The following PPP3CA variants were observed in gnomAD, a reference collection of about 807,000 sequenced individuals.
PPP3CA encodes the protein protein phosphatase 3 catalytic subunit alpha, also known as CAM-PRP catalytic subunit.
In PPP3CA, 14 loss-of-function variants were observed where a neutral mutation model predicts 66.5. The observed-to-expected ratio is 0.21, with a 90% CI of 0.14 to 0.33. The LOEUF (loss-of-function observed/expected upper bound fraction) is 0.33, where lower values mean the gene tolerates loss of function less well. Among genes scored for constraint, PPP3CA ranks in the 10% least tolerant of loss-of-function variants. The pLI is 1.00. For missense variants in PPP3CA, 317 were observed against 639.5 expected, an observed-to-expected ratio of 0.50 and a Z score of 5.44; for synonymous variants, 232 against 226.2, an observed-to-expected ratio of 1.03 and a Z score of -0.23.
intron 1 of PPP3CA, among the ~76,000 whole-genome samples, chr4:101,327,719 A>G (rs1729250511): frequency 6.6e-6 from 1 of 152,180 alleles, no homozygotes; most frequent in South Asian, 2.1e-4. Context: ...CAATTTCCTT[A>G]TAAAGTAGAG....
intron 2 of PPP3CA, among the ~76,000 whole-genome samples, chr4:101,112,431 A>G (rs1222415003): frequency 6.6e-6 from 1 of 152,140 alleles, no homozygotes; most frequent in Non-Finnish European, 1.5e-5. Flanking sequence ...TGCATGGAAA[A>G]CAAAATACCC....
chr4:101,201,140 C>T (rs1724954577), intron 1 of PPP3CA, among the ~76,000 whole-genome samples: 1 of 152,122 alleles, frequency 6.6e-6, no homozygotes, highest in Non-Finnish European at 1.5e-5. Context: ...TTAATTCCAA[C>T]TATTTCTTTT....
chr4:101,151,643 C>A (rs1413626525), intron 2 of PPP3CA, among the ~76,000 whole-genome samples: 75 of 140,680 alleles, frequency 5.3e-4, no homozygotes, highest in Non-Finnish European at 1.0e-3. Context: ...TTAGCTAAGC[C>A]AAGGTTTCCT....
intron 10 of PPP3CA, among the ~76,000 whole-genome samples, chr4:101,041,605 T>C (rs1452796870): frequency 6.6e-6 from 1 of 151,906 alleles, no homozygotes; most frequent in African/African-American, 2.4e-5. Flanking sequence ...CTAACTTTTT[T>C]TGTATTTTTA....
chr4:101,322,408 C>CTTT (rs1254595877), intron 1 of PPP3CA, among the ~76,000 whole-genome samples: 2 of 134,140 alleles, frequency 1.5e-5, no homozygotes. Flanking sequence ...CTACTGACAT[C>CTTT]TTTTTTTTTT....
chr4:101,227,826 T>C (rs373239600), intron 1 of PPP3CA, among the ~76,000 whole-genome samples: 1 of 151,924 alleles, frequency 6.6e-6, no homozygotes, highest in East Asian at 2.0e-4. Flanking sequence ...TGGTTTTCTG[T>C]TCCTGCATTA....
At chr4:101,141,405 T>C (rs1046376125) in intron 2 of PPP3CA, among the ~76,000 whole-genome samples, 4 of 152,116 alleles carry the variant, frequency 2.6e-5, no homozygotes, top group Middle Eastern at 3.2e-3. Flanking sequence ...AGTGTCATAT[T>C]TGAATTGTGT....
chr4:101,130,076 A>G (rs1055608735), intron 2 of PPP3CA, among the ~76,000 whole-genome samples: 3 of 152,102 alleles, frequency 2.0e-5, no homozygotes, highest in Non-Finnish European at 4.4e-5. Flanking sequence ...GGAGCTGAAA[A>G]ACAGAGCACG....
At chr4:101,248,879 G>A (rs897415000) in intron 1 of PPP3CA, among the ~76,000 whole-genome samples, 7 of 152,142 alleles carry the variant, frequency 4.6e-5, no homozygotes, top group Non-Finnish European at 2.9e-5. Context: ...ACAAATTACT[G>A]GCCGGGCGCG....
At chr4:101,059,931 C>A (rs1578410865) in intron 10 of PPP3CA, among the ~76,000 whole-genome samples, 1 of 151,882 alleles carries the variant, frequency 6.6e-6, no homozygotes, top group Non-Finnish European at 1.5e-5. Context: ...AATGTCAATG[C>A]TATGTAGATA....
At chr4:101,076,181 G>A (rs745594817) in intron 8 of PPP3CA, among the ~76,000 whole-genome samples, 1 of 151,988 alleles carries the variant, frequency 6.6e-6, no homozygotes, top group Non-Finnish European at 1.5e-5. Context: ...AAAGTGCTCT[G>A]CAAATGTTTA....
At chr4:101,217,795 G>A (rs1725500846) in intron 1 of PPP3CA, among the ~76,000 whole-genome samples, 1 of 151,992 alleles carries the variant, frequency 6.6e-6, no homozygotes, top group African/African-American at 2.4e-5. Context: ...CCTAAGACAA[G>A]GTCCAGTGCA....
At chr4:101,211,614 G>C (rs1342041675) in intron 1 of PPP3CA, among the ~76,000 whole-genome samples, 1 of 152,076 alleles carries the variant, frequency 6.6e-6, no homozygotes, top group Non-Finnish European at 1.5e-5. Context: ...TTTAATTTTT[G>C]ATGAGTTGAT....
chr4:101,193,238 T>C (rs1283740946), intron 2 of PPP3CA, among the ~76,000 whole-genome samples: 2 of 152,246 alleles, frequency 1.3e-5, no homozygotes, highest in Non-Finnish European at 2.9e-5. Context: ...AAATGTATAA[T>C]AAACATTTCA....
In PPP3CA at chr4:101,278,133, AAAAAAAT is replaced by A. The variant is rs1310886708; in HGVS notation, c.58+68599_58+68605del. On this transcript the variant is annotated intron_variant, in intron 1 of 13. Coordinates refer to ENST00000394854, the MANE Select transcript of PPP3CA (RefSeq NM_000944.5). Reference sequence around the variant, plus strand: ...TTAAAAGCTATTAGTAAAAAAAAAAAAAAAAATAAAAAAATTAAAAAGTTATTTTAAC... The same window carrying A: ...TTAAAAGCTATTAGTAAAAAAAAAAAAAAAAAATTAAAAAGTTATTTTAAC... 7.1e-5 allele frequency among the ~76,000 whole-genome samples: 10 copies of A among 140,830 alleles called. No homozygotes were observed. In the East Asian group the frequency reaches 1.5e-3, roughly 22 times the overall value. The allele number at this position is 140,830 out of a possible 152,430, so 92.4% of individuals were successfully genotyped here. A position where few individuals can be genotyped will look rare whatever the true frequency, so the allele number is the denominator to read the frequency against.
intron 1 of PPP3CA, among the ~76,000 whole-genome samples, chr4:101,324,860 T>C (rs192543273): frequency 6.6e-6 from 1 of 152,340 alleles, no homozygotes; most frequent in East Asian, 1.9e-4. Flanking sequence ...TTCTTCCATC[T>C]TTGACTCTCA....
intron 1 of PPP3CA, among the ~76,000 whole-genome samples, chr4:101,244,936 A>G (rs1423829023): frequency 6.6e-6 from 1 of 151,674 alleles, no homozygotes; most frequent in Non-Finnish European, 1.5e-5. Flanking sequence ...AAGCTATTTC[A>G]TAATTTCATG....
At chr4:101,187,381 C>G (rs1724446216) in intron 2 of PPP3CA, among the ~76,000 whole-genome samples, 1 of 152,082 alleles carries the variant, frequency 6.6e-6, no homozygotes, top group Admixed American at 6.6e-5. Context: ...CTAAGCTAAC[C>G]AGCCACAAAT....
At chr4:101,166,876 T>C (rs1723710539) in intron 2 of PPP3CA, among the ~76,000 whole-genome samples, 1 of 152,234 alleles carries the variant, frequency 6.6e-6, no homozygotes, top group South Asian at 2.1e-4. Context: ...ATGATTTATT[T>C]ACTTTGTTGA....
Sources: gnomAD v4.1 joint callset for allele counts (sites outside exome capture counted in the v4.1 genomes callset) on GRCh38, gnomAD v4.1.1 for gene constraint, MANE v1.5 for transcripts, NCBI Gene and HGNC (gene_info 2026-07-23, HGNC 2026-07-21) for gene names.